KCTD1: variants seen among roughly 807,000 people sequenced by gnomAD.
KCTD1 encodes the protein potassium channel tetramerization domain containing 1, also known as BTB/POZ domain-containing protein KCTD1.
In KCTD1, 24 loss-of-function variants were observed where a neutral mutation model predicts 66.0. The ratio of observed to expected loss-of-function variants is 0.36; its 90% CI spans 0.26 to 0.51. KCTD1 has a LOEUF of 0.51. Among genes scored for constraint, KCTD1 ranks in the 20% least tolerant of loss-of-function variants. KCTD1 has a pLI of 0.95. For synonymous variants in KCTD1, 511 were observed against 517.2 expected, an observed-to-expected ratio of 0.99 and a Z score of 0.16; for missense variants, 943 against 1,205.2, an observed-to-expected ratio of 0.78 and a Z score of 3.22.
At chr18:26,506,019 G>T (rs1004525600) in intron 1 of KCTD1, among the ~76,000 whole-genome samples, 3 of 151,934 alleles carry the variant, frequency 2.0e-5, no homozygotes, top group Non-Finnish European at 2.9e-5. Context: ...GGGACTGCAG[G>T]TGTGCGCCAC....
intron 2 of KCTD1, among the ~76,000 whole-genome samples, chr18:26,496,740 GCACACACA>G (rs111233653): frequency 6.8e-6 from 1 of 148,094 alleles, no homozygotes; most frequent in Non-Finnish European, 1.5e-5. Context: ...AAAAGCATGT[GCACACACA>G]CACACACACA....
In KCTD1 at chr18:26,547,770, A is replaced by T; in HGVS notation, c.767T>A (p.Leu256Gln). ...GGCCAGCGTCAGGTTGGCGCTGCGC[A>T]GCTCGGGGTCCTTGGTGAGGTCGAG... ...RTLDLTKDPE[L>Q]RSANLTLAAV... Residue 256 changes from leucine (L) to glutamine (Q), a missense_variant, in exon 1 of 5, where the codon CTG becomes CAG. Leu to Gln is a moderately radical substitution (Grantham distance 113). This residue lies in a region of KCTD1 where 61 missense variants were observed against 109.6 expected (regional missense o/e 0.56). Transcript: ENST00000580059. 1 of 1,542,884 alleles carries T rather than the reference A, an allele frequency of 6.5e-7. No homozygotes were observed. Among genetic ancestry groups the T allele is most frequent in the South Asian group, 1.2e-5 (1 of 84,050 alleles).
intron 1 of KCTD1, among the ~76,000 whole-genome samples, chr18:26,603,543 C>A (rs779198481): frequency 6.5e-4 from 99 of 151,732 alleles, no homozygotes; most frequent in Non-Finnish European, 5.7e-4. Context: ...GAGTTCAAGA[C>A]CAGCCTGGCC....
chr18:26,591,077 CT>C (rs1986591257), intron 1 of KCTD1, among the ~76,000 whole-genome samples: 1 of 152,062 alleles, frequency 6.6e-6, no homozygotes, highest in Non-Finnish European at 1.5e-5. Context: ...TGCTCTGTTG[CT>C]CAGGCTGGAG....
At chr18:26,628,985 G>A (rs1987561987) in intron 1 of KCTD1, among the ~76,000 whole-genome samples, 1 of 152,192 alleles carries the variant, frequency 6.6e-6, no homozygotes, top group South Asian at 2.1e-4. Context: ...GGGACCAGGG[G>A]ACTTTTAGTA....
chr18:26,633,962 G>A (rs10469037), upstream of KCTD1, among the ~76,000 whole-genome samples: 2,038 of 152,246 alleles, frequency 0.013, 50 homozygotes, highest in African/African-American at 0.045. Flanking sequence ...TGTGGTATAT[G>A]CATACAACGG....
chr18:26,463,415 CA>C (rs60025354), intron 3 of KCTD1, among the ~76,000 whole-genome samples: 1 of 147,274 alleles, frequency 6.8e-6, no homozygotes, highest in South Asian at 2.2e-4. Flanking sequence ...AGACCCATCT[CA>C]AAAAAAAAGA....
chr18:26,525,218 T>C (rs1354390955), intron 1 of KCTD1, among the ~76,000 whole-genome samples: 3 of 152,120 alleles, frequency 2.0e-5, no homozygotes, highest in South Asian at 4.1e-4. Context: ...GGAAGCTCCA[T>C]TGTGCTAAGA....
chr18:26,635,852 A>T (rs1176641723), intron 1 of KCTD1, among the ~76,000 whole-genome samples: 1 of 152,170 alleles, frequency 6.6e-6, no homozygotes, highest in African/African-American at 2.4e-5. Context: ...CACAATCCTT[A>T]AAAGAGCCCT....
chr18:26,498,165 G>T (rs1982573942), intron 2 of KCTD1, among the ~76,000 whole-genome samples: 1 of 152,108 alleles, frequency 6.6e-6, no homozygotes. Context: ...CATAGCCAAA[G>T]AACTGTTCGC....
At chr18:26,513,053 A>G (rs1983421985) in intron 1 of KCTD1, among the ~76,000 whole-genome samples, 1 of 151,936 alleles carries the variant, frequency 6.6e-6, no homozygotes, top group African/African-American at 2.4e-5. Flanking sequence ...AATACCCCAA[A>G]GAATGCACCT....
chr18:26,539,827 T>C (rs897688694), intron 1 of KCTD1, among the ~76,000 whole-genome samples: 2 of 152,218 alleles, frequency 1.3e-5, no homozygotes, highest in East Asian at 1.9e-4. Context: ...AAGAAACTTA[T>C]CCTCAACACT....
intron 1 of KCTD1, among the ~76,000 whole-genome samples, chr18:26,519,259 G>A (rs1214616913): frequency 6.6e-6 from 1 of 152,138 alleles, no homozygotes; most frequent in Non-Finnish European, 1.5e-5. Flanking sequence ...TCATGTAAAT[G>A]AAAAAGTGCC....
At chr18:26,532,257 CCTTCTTTTTTTTTTTT>C (rs1984475753) in intron 1 of KCTD1, among the ~76,000 whole-genome samples, 2 of 128,188 alleles carry the variant, frequency 1.6e-5, no homozygotes, top group Admixed American at 7.5e-5. Context: ...TCTTTTCTTT[CCTTCTTTTTTTTTTTT>C]TTTTTTTTTT....
At chr18:26,629,587 C>A (rs1403499679), upstream of KCTD1, among the ~76,000 whole-genome samples, 1 of 152,044 alleles carries the variant, frequency 6.6e-6, no homozygotes, top group African/African-American at 2.4e-5. Flanking sequence ...ATGGACCCTG[C>A]GAAAGGGACA....
intron 1 of KCTD1, among the ~76,000 whole-genome samples, chr18:26,535,643 A>G (rs555194910): frequency 2.6e-5 from 4 of 152,288 alleles, no homozygotes; most frequent in Admixed American, 2.0e-4. Flanking sequence ...TGTTTTCAAA[A>G]GACACATCCA....
At chr18:26,578,053 CTTTCT>C (rs1986267293) in intron 1 of KCTD1, among the ~76,000 whole-genome samples, 4 of 124,784 alleles carry the variant, frequency 3.2e-5, no homozygotes, top group African/African-American at 8.8e-5. Context: ...CTTTTCTTTT[CTTTCT>C]TTTTTTTTTT....
intron 2 of KCTD1, among the ~76,000 whole-genome samples, chr18:26,499,117 G>T (rs899588951): frequency 1.3e-5 from 2 of 152,172 alleles, no homozygotes; most frequent in African/African-American, 2.4e-5. Flanking sequence ...CTGTCTCAAG[G>T]TTTAATTTAC....
At chr18:26,617,990 G>A (rs1345016298) in intron 1 of KCTD1, among the ~76,000 whole-genome samples, 1 of 151,392 alleles carries the variant, frequency 6.6e-6, no homozygotes, top group Admixed American at 6.6e-5. Context: ...GTACATCACA[G>A]CACAAATAAT....
Sources: allele counts gnomAD v4.1 joint callset (sites outside exome capture counted in the v4.1 genomes callset), GRCh38; gene constraint gnomAD v4.1.1; regional missense constraint gnomAD v4.1.1; transcripts MANE v1.5; gene names NCBI Gene and HGNC (gene_info 2026-07-23, HGNC 2026-07-21).